The following RNF125 variants were observed in gnomAD, a reference collection of about 807,000 sequenced individuals.
The protein encoded by RNF125 is ring finger protein 125, also known as E3 ubiquitin-protein ligase RNF125.
In RNF125, 21 loss-of-function variants were observed where a neutral mutation model predicts 26.0. The observed-to-expected ratio is 0.81, with a 90% CI of 0.57 to 1.16. RNF125 has a LOEUF of 1.16. RNF125 is among the 50% of genes most tolerant of loss of function. RNF125 has a pLI of 0.00. For synonymous variants in RNF125, 95 were observed against 109.2 expected, an observed-to-expected ratio of 0.87 and a Z score of 0.81; for missense variants, 270 against 299.4, an observed-to-expected ratio of 0.90 and a Z score of 0.72.
At chr18:32,086,068 G>A in the RNF125 span, among the ~76,000 whole-genome samples, 1 of 152,116 alleles carries the variant, frequency 6.6e-6, no homozygotes, top group Non-Finnish European at 1.5e-5. Flanking sequence ...AATATATCAA[G>A]AACCTATATA....
chr18:32,067,699 G>T (rs148635103), intron 5 of RNF125, among the ~76,000 whole-genome samples: 100 of 152,170 alleles, frequency 6.6e-4, no homozygotes, highest in African/African-American at 1.9e-3. Context: ...TTTTGTGGGG[G>T]TTTTTTTGTT....
chr18:32,049,241 T>G (rs1257551414), intron 4 of RNF125, among the ~76,000 whole-genome samples: 1 of 152,182 alleles, frequency 6.6e-6, no homozygotes, highest in African/African-American at 2.4e-5. Flanking sequence ...AAACTAGGAA[T>G]GGTGGAATCA....
chr18:32,075,932 C>T, downstream of RNF125: 1 of 1,514,686 alleles, frequency 6.6e-7, no homozygotes, highest in Non-Finnish European at 9.0e-7. Context: ...TTCGTCTTTG[C>T]TTCTTCATGG....
At chr18:32,087,131 C>T in the RNF125 span, among the ~76,000 whole-genome samples, 3 of 152,006 alleles carry the variant, frequency 2.0e-5, no homozygotes, top group Non-Finnish European at 2.9e-5. Context: ...TTACCCTATG[C>T]GTCTCGTCAT....
At chr18:32,064,185 TG>T (rs1202547770) in intron 4 of RNF125, among the ~76,000 whole-genome samples, 5 of 151,230 alleles carry the variant, frequency 3.3e-5, no homozygotes, top group African/African-American at 4.9e-5. Context: ...TTAGTAGACA[TG>T]GGTTTTGCCA....
chr18:32,027,413 T>C (rs997253563), intron 1 of RNF125, among the ~76,000 whole-genome samples: 2 of 152,202 alleles, frequency 1.3e-5, no homozygotes, highest in African/African-American at 4.8e-5. Flanking sequence ...ATTTAAGATG[T>C]GAGCTCTAAA....
intron 4 of RNF125, among the ~76,000 whole-genome samples, chr18:32,062,570 A>T (rs1041770653): frequency 2.6e-5 from 4 of 152,210 alleles, no homozygotes; most frequent in African/African-American, 9.6e-5. Context: ...ACCTTTAATT[A>T]TAGAAATTGA....
chr18:32,022,450 A>C (rs2038994731), intron 1 of RNF125, among the ~76,000 whole-genome samples: 1 of 152,216 alleles, frequency 6.6e-6, no homozygotes, highest in Non-Finnish European at 1.5e-5. Context: ...CTGCTAATAG[A>C]TTAACAAGGG....
At chr18:32,082,256 T>C in the RNF125 span, among the ~76,000 whole-genome samples, 48 of 152,246 alleles carry the variant, frequency 3.2e-4, 1 homozygote, top group South Asian at 9.9e-3. Flanking sequence ...GCTTCTCTCC[T>C]GGCAAATCAA....
downstream of RNF125, among the ~76,000 whole-genome samples, chr18:32,074,054 T>C (rs1174831646): frequency 6.6e-6 from 1 of 151,948 alleles, no homozygotes; most frequent in East Asian, 1.9e-4. Flanking sequence ...TCACAGGGAG[T>C]AGTATTGATC....
At chr18:32,041,806 A>G (rs1276780643) in intron 2 of RNF125, 1 of 130,606 alleles carries the variant, frequency 7.7e-6, no homozygotes, top group East Asian at 2.1e-4. Context: ...AATTTTTTGT[A>G]TTTTTAGTAG....
At chr18:32,081,195 A>G in the RNF125 span, among the ~76,000 whole-genome samples, 1 of 142,430 alleles carries the variant, frequency 7.0e-6, no homozygotes, top group African/African-American at 3.0e-5. Flanking sequence ...CTACATCTGA[A>G]AAAAAAAAAA....
downstream of RNF125, among the ~76,000 whole-genome samples, chr18:32,077,523 A>G (rs2039578423): frequency 6.6e-6 from 1 of 151,484 alleles, no homozygotes; most frequent in African/African-American, 2.4e-5. Context: ...CACTACGCTC[A>G]GCTAATTTTT....
chr18:32,070,362 A>C lies in RNF125; in HGVS notation c.*1978A>C. 6.6e-6 allele frequency: 1 copy of C among 152,244 alleles called. No individual in the cohort carries two copies. The highest frequency in any genetic ancestry group is 1.5e-5 in the Non-Finnish European group (1 of 68,096). 9.4% of individuals were successfully genotyped at this position (152,244 alleles called of 1,614,324 possible). A position where few individuals can be genotyped will look rare whatever the true frequency, so the allele number is the denominator to read the frequency against. On this transcript the variant is annotated 3_prime_UTR_variant, in exon 6 of 6. Transcript: ENST00000217740. ...TAATTTTTGTATTTTTAGTAGAGAC[A>C]GGGTTTCACCATAATAGCCAGGCTG...
At chr18:32,019,376 C>T (rs2038963621) in intron 1 of RNF125, among the ~76,000 whole-genome samples, 1 of 152,072 alleles carries the variant, frequency 6.6e-6, no homozygotes, top group Non-Finnish European at 1.5e-5. Flanking sequence ...AACCAGCGCT[C>T]GCCCAGGCAC....
At chr18:32,080,042 G>A in the RNF125 span, among the ~76,000 whole-genome samples, 1 of 152,102 alleles carries the variant, frequency 6.6e-6, no homozygotes, top group Non-Finnish European at 1.5e-5. Context: ...GTTTTGTTTT[G>A]TTTTGAGATG....
intron 4 of RNF125, among the ~76,000 whole-genome samples, chr18:32,056,554 T>G (rs2039385031): frequency 6.8e-6 from 1 of 146,558 alleles, no homozygotes; most frequent in Non-Finnish European, 1.5e-5. Context: ...AGGCAGAGAT[T>G]GCGTTGCAGT....
intron 1 of RNF125, among the ~76,000 whole-genome samples, chr18:32,026,066 C>CT (rs34424595): frequency 0.48 from 63,770 of 132,180 alleles, 15,875 homozygotes; most frequent in South Asian, 0.58. Flanking sequence ...TTAAAAAAAA[C>CT]TTTTTTTTTT....
Position 32,025,883 on chromosome 18 carries a change from T to C in RNF125, c.164+6856T>C, listed in dbSNP as rs920663949. Among the ~76,000 whole-genome samples, 3 of 151,434 alleles carry C rather than the reference T, an allele frequency of 2.0e-5. No individual in the cohort carries two copies. The Admixed American group carries it at 2.0e-4, about 10-fold the overall frequency. ...AAGAACAAGTCTTAGAGGAGCCAAT[T>C]TGGGGAGATTTTAAGCTTTCAAAAG... is the stretch of plus-strand genomic sequence containing the variant. On this transcript the variant is annotated intron_variant, in intron 1 of 5. Coordinates refer to ENST00000217740, the MANE Select transcript of RNF125 (RefSeq NM_017831.4).
Sources: gnomAD v4.1 joint callset for allele counts (sites outside exome capture counted in the v4.1 genomes callset) on GRCh38, gnomAD v4.1.1 for gene constraint, MANE v1.5 for transcripts, NCBI Gene and HGNC (gene_info 2026-07-23, HGNC 2026-07-21) for gene names.